The following GLRA2 variants were observed in gnomAD, a reference collection of about 807,000 sequenced individuals.
The protein encoded by GLRA2 is glycine receptor subunit alpha-2.
Under a neutral mutation model 31.6 loss-of-function variants are expected in GLRA2, and 11 were observed. That is an observed-to-expected ratio of 0.35 (90% CI 0.22 to 0.58). GLRA2 has a LOEUF of 0.58. GLRA2 is among the 20% of genes least tolerant of loss of function. GLRA2 has a pLI of 0.84. For synonymous variants in GLRA2, 132 were observed against 134.0 expected (o/e 0.99, Z 0.10); for missense variants, 212 against 351.8 (o/e 0.60, Z 3.18).
the GLRA2 span, among the ~76,000 whole-genome samples, chrX:14,473,065 G>T: frequency 6.3e-5 from 7 of 111,214 alleles, no homozygotes; most frequent in Admixed American, 3.8e-4. Context: ...GACATGAAAG[G>T]ACCCATGAAG....
At chrX:14,521,720 A>G in the GLRA2 span, among the ~76,000 whole-genome samples, 2 of 112,205 alleles carry the variant, frequency 1.8e-5, no homozygotes, top group Non-Finnish European at 3.8e-5. Flanking sequence ...ATTGCAATAA[A>G]GTGAATATAA....
At chrX:14,659,868 A>C (rs1435735328) in intron 7 of GLRA2, among the ~76,000 whole-genome samples, 1 of 112,039 alleles carries the variant, frequency 8.9e-6, no homozygotes, top group African/African-American at 3.2e-5. Flanking sequence ...TAATTTGATA[A>C]ATTTGTTCAA....
the GLRA2 span, among the ~76,000 whole-genome samples, chrX:14,502,453 G>T: frequency 3.6e-5 from 4 of 111,406 alleles, no homozygotes; most frequent in Non-Finnish European, 7.6e-5. Context: ...TTATTCAGTT[G>T]CTCATTTGCT....
chrX:14,592,215 G>A (rs926357325), intron 4 of GLRA2, among the ~76,000 whole-genome samples: 2 of 111,827 alleles, frequency 1.8e-5, no homozygotes, highest in African/African-American at 6.5e-5. Context: ...TAGGGCTTGA[G>A]TCAGCAGAGG....
chrX:14,658,030 C>T (rs985982211), intron 7 of GLRA2, among the ~76,000 whole-genome samples: 1 of 111,792 alleles, frequency 8.9e-6, no homozygotes, highest in Non-Finnish European at 1.9e-5. Context: ...CATTAGGCAA[C>T]TTGTCCAAAG....
At chrX:14,634,229 G>A (rs142239085) in intron 7 of GLRA2, among the ~76,000 whole-genome samples, 2,447 of 112,003 alleles carry the variant, frequency 0.022, 44 homozygotes, top group African/African-American at 0.056. Flanking sequence ...GATTACAGGC[G>A]TGAGCCACCA....
intron 7 of GLRA2, among the ~76,000 whole-genome samples, chrX:14,624,729 T>C (rs1430602076): frequency 8.9e-6 from 1 of 112,039 alleles, no homozygotes; most frequent in Non-Finnish European, 1.9e-5. Context: ...TTTGTAATGA[T>C]TTCTCTTCTT....
At chrX:14,475,166 A>T in the GLRA2 span, among the ~76,000 whole-genome samples, 1 of 112,357 alleles carries the variant, frequency 8.9e-6, no homozygotes. Context: ...TTGCACCAAT[A>T]TATGTTTTCT....
At chrX:14,638,615 A>G (rs935532833) in intron 7 of GLRA2, among the ~76,000 whole-genome samples, 1 of 111,352 alleles carries the variant, frequency 9.0e-6, no homozygotes, top group African/African-American at 3.3e-5. Flanking sequence ...GTTTGGTATC[A>G]ACTTCCTGAA....
intron 7 of GLRA2, among the ~76,000 whole-genome samples, chrX:14,641,695 G>A (rs2090775887): frequency 9.0e-6 from 1 of 111,435 alleles, no homozygotes; most frequent in Non-Finnish European, 1.9e-5. Context: ...CCCTCATTGT[G>A]TCCGTTAAGG....
the GLRA2 span, among the ~76,000 whole-genome samples, chrX:14,452,394 T>C: frequency 0.023 from 2,606 of 112,720 alleles, 67 homozygotes; most frequent in African/African-American, 0.08. Flanking sequence ...CTGTTTCTTC[T>C]CTATCCATTT....
At chrX:14,694,230 T>C (rs377447588) in intron 8 of GLRA2, among the ~76,000 whole-genome samples, 133 of 111,971 alleles carry the variant, frequency 1.2e-3, no homozygotes, top group Middle Eastern at 4.7e-3. Flanking sequence ...TATAGATTAC[T>C]TGAAAATTTA....
chrX:14,689,361 A>G (rs938340008), intron 7 of GLRA2, among the ~76,000 whole-genome samples: 2 of 112,745 alleles, frequency 1.8e-5, no homozygotes, highest in African/African-American at 6.4e-5. Context: ...TAATCATGGT[A>G]TAGACCATTA....
chrX:14,451,512 C>G, the GLRA2 span, among the ~76,000 whole-genome samples: 1 of 108,977 alleles, frequency 9.2e-6, no homozygotes, highest in African/African-American at 3.4e-5. Flanking sequence ...CGCCTGTAGT[C>G]CCAGCTACTC....
chrX:14,557,337 G>C (rs1275589821), intron 2 of GLRA2, among the ~76,000 whole-genome samples: 3 of 109,537 alleles, frequency 2.7e-5, no homozygotes, highest in Non-Finnish European at 5.7e-5. Flanking sequence ...GGGTGGTCTT[G>C]ATCTCCTGAC....
the GLRA2 span, among the ~76,000 whole-genome samples, chrX:14,489,754 A>G: frequency 8.9e-6 from 1 of 112,360 alleles, no homozygotes; most frequent in Non-Finnish European, 1.9e-5. Flanking sequence ...ATTGAGCAAC[A>G]AGGATTTGTC....
upstream of GLRA2, among the ~76,000 whole-genome samples, chrX:14,529,050 C>T (rs2089217885): frequency 1.8e-5 from 2 of 111,376 alleles, no homozygotes; most frequent in South Asian, 3.8e-4. Context: ...TTCTTCTGCA[C>T]GCGGGCTTCT....
At chrX:14,488,718 T>G in the GLRA2 span, among the ~76,000 whole-genome samples, 3 of 112,397 alleles carry the variant, frequency 2.7e-5, no homozygotes, top group Non-Finnish European at 5.6e-5. Context: ...ACTAATATAG[T>G]TTGTAATATC....
At chrX:14,593,042 G>A (rs1229173235) in intron 4 of GLRA2, among the ~76,000 whole-genome samples, 8 of 111,792 alleles carry the variant, frequency 7.2e-5, no homozygotes. Context: ...ACATTAATGT[G>A]GGCTTCTACC....
Sources: allele counts gnomAD v4.1 joint callset (sites outside exome capture counted in the v4.1 genomes callset), GRCh38; gene constraint gnomAD v4.1.1; transcripts MANE v1.5; gene names NCBI Gene and HGNC (gene_info 2026-07-23, HGNC 2026-07-21).